ADAMTSL1: variants seen among roughly 807,000 people sequenced by gnomAD.
The protein encoded by ADAMTSL1 is ADAMTS like 1.
ADAMTSL1 carries 126 observed loss-of-function variants against 201.8 expected under a neutral mutation model. That is an observed-to-expected ratio of 0.62 (90% CI 0.54 to 0.72). The LOEUF is 0.72. Among genes scored for constraint, ADAMTSL1 ranks in the 30% least tolerant of loss-of-function variants. The pLI is 0.00. For synonymous variants in ADAMTSL1, 1,121 were observed against 903.4 expected, an observed-to-expected ratio of 1.24 and a Z score of -4.32; for missense variants, 2,679 against 2,277.8, an observed-to-expected ratio of 1.18 and a Z score of -3.59.
chr9:18,304,746 G>T (rs1833841716), intron 2 of ADAMTSL1, among the ~76,000 whole-genome samples: 1 of 151,610 alleles, frequency 6.6e-6, no homozygotes, highest in Non-Finnish European at 1.5e-5. Context: ...TTTGTTACTT[G>T]TATGGAGTTG....
intron 2 of ADAMTSL1, among the ~76,000 whole-genome samples, chr9:18,260,027 C>T (rs993005875): frequency 2.6e-5 from 4 of 152,148 alleles, no homozygotes; most frequent in Non-Finnish European, 5.9e-5. Context: ...CTTATTTTAA[C>T]ATTGAGAAAA....
At chr9:18,773,812 G>C (rs1326569413) in intron 17 of ADAMTSL1, among the ~76,000 whole-genome samples, 1 of 152,154 alleles carries the variant, frequency 6.6e-6, no homozygotes, top group Non-Finnish European at 1.5e-5. Context: ...AAACGACCAT[G>C]CTCTTTTAAA....
At chr9:18,795,335 T>C (rs759606034) in intron 19 of ADAMTSL1, 62 bp from the exon 20 acceptor site, 25 of 1,602,570 alleles carry the variant, frequency 1.6e-5, no homozygotes, top group South Asian at 3.4e-5. Context: ...CTTACCAATA[T>C]TGAATGCCAA....
chr9:18,544,822 C>G (rs995997740), intron 3 of ADAMTSL1, among the ~76,000 whole-genome samples: 13 of 152,138 alleles, frequency 8.5e-5, no homozygotes, highest in African/African-American at 3.1e-4. Flanking sequence ...AGAGCTAACT[C>G]CTATTATTAA....
intron 4 of ADAMTSL1, among the ~76,000 whole-genome samples, chr9:18,603,969 C>G (rs527981111): frequency 6.6e-6 from 1 of 152,162 alleles, no homozygotes; most frequent in East Asian, 1.9e-4. Context: ...GGTGCTCAGT[C>G]GCAGATGGAA....
intron 19 of ADAMTSL1, among the ~76,000 whole-genome samples, chr9:18,782,826 G>A (rs1326939200): frequency 3.3e-5 from 5 of 152,168 alleles, no homozygotes; most frequent in Non-Finnish European, 5.9e-5. Flanking sequence ...AAGGCAGTGC[G>A]AAAACCCTAA....
At chr9:18,475,752 AT>A (rs531751564) in intron 1 of ADAMTSL1, among the ~76,000 whole-genome samples, 1 of 151,980 alleles carries the variant, frequency 6.6e-6, no homozygotes, top group East Asian at 1.9e-4. Context: ...CTTCTTTGTG[AT>A]TTTTTTAAGT....
At chr9:17,938,027 T>C (rs1827085658) in intron 1 of ADAMTSL1, among the ~76,000 whole-genome samples, 1 of 152,008 alleles carries the variant, frequency 6.6e-6, no homozygotes, top group South Asian at 2.1e-4. Context: ...AACAGATGGA[T>C]TTTTTTCCCC....
chr9:18,126,250 C>T (rs112910350), intron 1 of ADAMTSL1, among the ~76,000 whole-genome samples: 4 of 152,164 alleles, frequency 2.6e-5, no homozygotes, highest in Admixed American at 1.3e-4. Flanking sequence ...ATCATAACAC[C>T]GTGAACATGT....
rs145550909 is a variant in ADAMTSL1 at position 18,306,322 on chromosome 9, C to T, written c.207+142341C>T. ...TCACAACTCCTCACCAGCAAGGGAA[C>T]AAAACTGGATGGAGAATGAGTTTGA... is the stretch of plus-strand genomic sequence containing the variant. On this transcript the variant is annotated intron_variant, in intron 2 of 29. Transcript: ENST00000680146. Among the ~76,000 whole-genome samples, 131 of 152,200 alleles carry T rather than the reference C, an allele frequency of 8.6e-4. 3 individuals are homozygous for T. The highest frequency in any genetic ancestry group is 3.0e-3 in the African/African-American group (124 of 41,534).
At chr9:18,726,164 G>A (rs1356199649) in intron 15 of ADAMTSL1, among the ~76,000 whole-genome samples, 1 of 152,076 alleles carries the variant, frequency 6.6e-6, no homozygotes, top group South Asian at 2.1e-4. Context: ...TAAAAATTCA[G>A]GACTTAAATT....
chr9:18,372,639 C>T (rs767420391), intron 2 of ADAMTSL1, among the ~76,000 whole-genome samples: 7 of 152,260 alleles, frequency 4.6e-5, no homozygotes, highest in Non-Finnish European at 7.4e-5. Context: ...TGTGTGTTCA[C>T]CAACATTATA....
intron 2 of ADAMTSL1, among the ~76,000 whole-genome samples, chr9:18,194,372 T>C (rs1829090393): frequency 1.3e-5 from 2 of 151,920 alleles, no homozygotes; most frequent in Admixed American, 6.6e-5. Flanking sequence ...TAGCAGAAAA[T>C]GAAGAGGACA....
intron 15 of ADAMTSL1, among the ~76,000 whole-genome samples, chr9:18,735,805 C>T (rs1818471789): frequency 7.2e-6 from 1 of 139,058 alleles, no homozygotes. Context: ...GGCTGGAATG[C>T]AGTGGTGTAA....
In ADAMTSL1 at chr9:18,256,637, A is replaced by G. The variant is rs565918097; in HGVS notation, c.207+92656A>G. Among the ~76,000 whole-genome samples, 3 of 152,338 alleles carry G rather than the reference A, an allele frequency of 2.0e-5. No individual in the cohort carries two copies. The East Asian group carries it at 5.8e-4, about 29-fold the overall frequency. On this transcript the variant is annotated intron_variant, in intron 2 of 29. Coordinates refer to the ADAMTSL1 transcript ENST00000680146. ...AAGACCAAGGAGCCAGTGCTATAGT[A>G]GGAGAGGGACAGAGAGGCTTAAGAG...
chr9:18,050,475 A>G (rs998692746), intron 1 of ADAMTSL1, among the ~76,000 whole-genome samples: 1 of 152,200 alleles, frequency 6.6e-6, no homozygotes, highest in African/African-American at 2.4e-5. Flanking sequence ...TCTAGCATCA[A>G]TTCAGATGCC....
chr9:18,160,929 C>A (rs1827360791), intron 1 of ADAMTSL1, among the ~76,000 whole-genome samples: 1 of 150,090 alleles, frequency 6.7e-6, no homozygotes, highest in Non-Finnish European at 1.5e-5. Flanking sequence ...CTCAAGCATT[C>A]CTCGTGCCTC....
intron 2 of ADAMTSL1, among the ~76,000 whole-genome samples, chr9:18,351,165 G>A (rs1022833151): frequency 2.6e-5 from 4 of 151,174 alleles, no homozygotes; most frequent in Non-Finnish European, 5.9e-5. Flanking sequence ...ATAAGGTGAC[G>A]CAAGACACTA....
intron 23 of ADAMTSL1, among the ~76,000 whole-genome samples, chr9:18,874,803 C>T (rs1828048933): frequency 6.6e-6 from 1 of 151,850 alleles, no homozygotes; most frequent in Admixed American, 6.6e-5. Flanking sequence ...GGAGGACTCC[C>T]TCTTCTCTTT....
Sources: gnomAD v4.1 joint callset for allele counts (sites outside exome capture counted in the v4.1 genomes callset) on GRCh38, gnomAD v4.1.1 for gene constraint, MANE v1.5 for transcripts, NCBI Gene and HGNC (gene_info 2026-07-23, HGNC 2026-07-21) for gene names.